The following PDXDC1 variants were observed in gnomAD, a reference collection of about 807,000 sequenced individuals.
The protein encoded by PDXDC1 is pyridoxal-dependent decarboxylase domain-containing protein 1.
In PDXDC1, 42 loss-of-function variants were observed where a neutral mutation model predicts 100.1. The ratio of observed to expected loss-of-function variants is 0.42; its 90% CI spans 0.33 to 0.54. The LOEUF (loss-of-function observed/expected upper bound fraction) is 0.54. Ranked by LOEUF, PDXDC1 falls within the 20% of genes least tolerant of loss-of-function variation. PDXDC1 has a pLI of 0.10. For missense variants in PDXDC1, 636 were observed against 979.2 expected, an observed-to-expected ratio of 0.65 and a Z score of 4.68; for synonymous variants, 260 against 371.7, an observed-to-expected ratio of 0.70 and a Z score of 3.46.
intron 16 of PDXDC1, chr16:15,128,067 AGAAGGTGCTGT>A (rs2047842650): frequency 6.2e-7 from 1 of 1,608,772 alleles, no homozygotes; most frequent in African/African-American, 1.3e-5. Context: ...TTGACCAGGA[AGAAGGTGCTGT>A]GTGCCGTCTG....
At chr16:15,032,155 G>T in intron 17 of PDXDC1, 1 of 546,898 alleles carries the variant, frequency 1.8e-6, no homozygotes. Context: ...CTACCTAGGA[G>T]AAGATGCCAA....
intron 16 of PDXDC1, among the ~76,000 whole-genome samples, chr16:15,124,909 G>C (rs1426533420): frequency 1.3e-5 from 2 of 151,888 alleles, no homozygotes; most frequent in Admixed American, 6.6e-5. Flanking sequence ...AGCACTTTGG[G>C]AGGCTGAGGC....
chr16:14,990,826 C>T (rs1162404196), intron 1 of PDXDC1, among the ~76,000 whole-genome samples: 1 of 152,272 alleles, frequency 6.6e-6, no homozygotes, highest in Non-Finnish European at 1.5e-5. Flanking sequence ...CTGCAGCCTC[C>T]GCCTCCTGGG....
At chr16:15,133,299 C>G in intron 16 of PDXDC1, 4 of 1,573,702 alleles carry the variant, frequency 2.5e-6, no homozygotes, top group Admixed American at 3.4e-5. Context: ...AGCGAGTACT[C>G]GATGACGTGC....
chr16:15,047,478 G>C, intron 16 of PDXDC1: 2 of 1,613,676 alleles, frequency 1.2e-6, no homozygotes, highest in Non-Finnish European at 1.7e-6. Context: ...GGATTTTATG[G>C]AGTTCATGAT....
At chr16:15,123,174 G>A (rs1249168955) in intron 16 of PDXDC1, among the ~76,000 whole-genome samples, 1 of 150,736 alleles carries the variant, frequency 6.6e-6, no homozygotes, top group Non-Finnish European at 1.5e-5. Context: ...TGATGACCCC[G>A]GTGGTGCCTC....
At chr16:15,135,905 C>T (rs1012300876) in intron 16 of PDXDC1, 54 of 1,583,008 alleles carry the variant, frequency 3.4e-5, no homozygotes, top group East Asian at 1.3e-4. Flanking sequence ...CAGCGCCAGC[C>T]GCGGCAGCAC....
In PDXDC1 at chr16:15,071,322, A is replaced by G. The variant is rs557444643; in HGVS notation, c.1399+41266A>G. On this transcript the variant is annotated intron_variant, in intron 16 of 16. Coordinates refer to the PDXDC1 transcript ENST00000535621. ...ATAATCTGGCTATCAAAATCCCAAG[A>G]TTTTTACTTCACCAATGTAGGGAAA... is the stretch of plus-strand genomic sequence containing the variant. 9.9e-5 allele frequency: 142 copies of G among 1,431,164 alleles called. 1 individual carries two copies. The East Asian group carries it at 3.2e-3, about 32-fold the overall frequency. 88.7% of individuals were successfully genotyped at this position (1,431,164 alleles called of 1,614,324 possible).
intron 16 of PDXDC1, chr16:15,047,073 A>G (rs377613865): frequency 4.3e-6 from 1 of 233,506 alleles, no homozygotes; most frequent in African/African-American, 2.3e-5. Context: ...TAGAAACTAC[A>G]AGGTGTAGGT....
chr16:15,128,209 G>C (rs755271733), intron 16 of PDXDC1: 10 of 1,610,936 alleles, frequency 6.2e-6, no homozygotes, highest in South Asian at 4.4e-5. Flanking sequence ...AGCTTGGCAG[G>C]GTCCGCACAG....
chr16:15,094,150 C>A, intron 16 of PDXDC1: 1 of 1,597,654 alleles, frequency 6.3e-7, no homozygotes, highest in Non-Finnish European at 8.5e-7. Context: ...CTTACCCAGT[C>A]CTCGACGCGC....
intron 16 of PDXDC1, among the ~76,000 whole-genome samples, chr16:15,030,888 T>C (rs1243404976): frequency 1.3e-5 from 2 of 152,100 alleles, no homozygotes; most frequent in Non-Finnish European, 2.9e-5. Context: ...CCGGGAGCTT[T>C]ACACACAACC....
chr16:15,128,353 A>G, intron 16 of PDXDC1: 2 of 1,607,110 alleles, frequency 1.2e-6, no homozygotes, highest in Non-Finnish European at 1.7e-6. Flanking sequence ...CCGGCTGTCC[A>G]CCCCATACAG....
At chr16:14,996,933 A>G (rs750009305) in intron 1 of PDXDC1, among the ~76,000 whole-genome samples, 46 of 152,404 alleles carry the variant, frequency 3.0e-4, no homozygotes, top group Non-Finnish European at 6.6e-4. Context: ...TCACTTTGTT[A>G]TCATAAGTGA....
intron 1 of PDXDC1, among the ~76,000 whole-genome samples, chr16:14,975,821 C>T (rs1365812186): frequency 6.6e-6 from 1 of 152,298 alleles, no homozygotes; most frequent in Admixed American, 6.5e-5. Context: ...CACTCCGCCC[C>T]ACGCAGGTGA....
At chr16:15,014,010 C>G (rs1441835198) in intron 8 of PDXDC1, among the ~76,000 whole-genome samples, 1 of 152,192 alleles carries the variant, frequency 6.6e-6, no homozygotes, top group South Asian at 2.1e-4. Flanking sequence ...AGTTCAAGAC[C>G]AGCCTGGCCA....
downstream of PDXDC1, chr16:15,038,520 A>C: frequency 2.0e-6 from 2 of 1,011,100 alleles, no homozygotes; most frequent in Non-Finnish European, 3.0e-6. Context: ...TTTCTTACAG[A>C]TGGGGAAACC....
chr16:15,148,098 C>T, the PDXDC1 span, among the ~76,000 whole-genome samples: 2 of 151,654 alleles, frequency 1.3e-5, no homozygotes, highest in Non-Finnish European at 2.9e-5. Flanking sequence ...AGGGAATCCT[C>T]CCCCCTCAGC....
chr16:15,150,124 C>A, the PDXDC1 span, among the ~76,000 whole-genome samples: 1 of 152,014 alleles, frequency 6.6e-6, no homozygotes, highest in African/African-American at 2.4e-5. Flanking sequence ...GCGGGTGGAT[C>A]ACGAGGTCAG....
Sources: gnomAD v4.1 joint callset for allele counts (sites outside exome capture counted in the v4.1 genomes callset) on GRCh38, gnomAD v4.1.1 for gene constraint, MANE v1.5 for transcripts, NCBI Gene and HGNC (gene_info 2026-07-23, HGNC 2026-07-21) for gene names.